The following AMPH variants were observed in gnomAD, a reference collection of about 807,000 sequenced individuals.
AMPH encodes the protein amphiphysin (Stiff-Mann syndrome with breast cancer 128kD autoantigen).
In AMPH, 49 loss-of-function variants were observed where a neutral mutation model predicts 99.1. The observed-to-expected ratio is 0.49, with a 90% confidence interval of 0.39 to 0.63. The LOEUF (loss-of-function observed/expected upper bound fraction) is 0.63, where lower values mean the gene tolerates loss of function less well. Among genes scored for constraint, AMPH ranks in the 20% least tolerant of loss-of-function variants. The probability of loss-of-function intolerance (pLI) is 0.00; values close to 1 mark genes in which losing one functional copy is unlikely to be tolerated. For missense variants in AMPH, 759 were observed against 863.4 expected (o/e 0.88, Z 1.52); for synonymous variants, 314 against 317.3 (o/e 0.99, Z 0.11).
At chr7:38,572,828 A>C (rs1223840094) in intron 1 of AMPH, among the ~76,000 whole-genome samples, 3 of 152,132 alleles carry the variant, frequency 2.0e-5, no homozygotes, top group Non-Finnish European at 4.4e-5. Context: ...GGATAGGAAC[A>C]GCCTGCAGTG....
At chr7:38,604,344 G>A (rs1014493799) in intron 1 of AMPH, among the ~76,000 whole-genome samples, 5 of 152,204 alleles carry the variant, frequency 3.3e-5, no homozygotes, top group African/African-American at 1.2e-4. Context: ...AAGAGCAAAG[G>A]ACAAGGTGAT....
intron 17 of AMPH, among the ~76,000 whole-genome samples, chr7:38,411,635 T>C (rs71548611): frequency 0.031 from 4,755 of 152,216 alleles, 102 homozygotes; most frequent in South Asian, 0.094. Flanking sequence ...CTGCCACCTG[T>C]AGGGGAAGAG....
At chr7:38,560,933 A>G (rs1428249527) in intron 1 of AMPH, among the ~76,000 whole-genome samples, 2 of 152,210 alleles carry the variant, frequency 1.3e-5, no homozygotes, top group Non-Finnish European at 2.9e-5. Flanking sequence ...ATGATATGTT[A>G]TATTTATTAC....
At chr7:38,459,485 G>A (rs150525637) in intron 11 of AMPH, among the ~76,000 whole-genome samples, 92 of 152,198 alleles carry the variant, frequency 6.0e-4, no homozygotes, top group South Asian at 1.5e-3. Flanking sequence ...CATGACATTG[G>A]TATAAAAATA....
At chr7:38,476,547 C>T (rs1788091495) in intron 6 of AMPH, among the ~76,000 whole-genome samples, 1 of 152,172 alleles carries the variant, frequency 6.6e-6, no homozygotes, top group East Asian at 1.9e-4. Context: ...GTCCCATCTG[C>T]ATCTGCATTT....
At chr7:38,458,857 G>T (rs1285125767) in intron 11 of AMPH, among the ~76,000 whole-genome samples, 1 of 152,144 alleles carries the variant, frequency 6.6e-6, no homozygotes, top group African/African-American at 2.4e-5. Flanking sequence ...AGCACTGGAA[G>T]TCCTAGCCAG....
In AMPH at chr7:38,561,106, A is replaced by G. The variant is rs561608564; in HGVS notation, c.70-26095T>C. Reference sequence around the variant, plus strand: ...GTCAGTATTTGCAGGCCAGTAACCAAGACCCACAGCAGGCATGTGGTTAAA... The same window carrying G: ...GTCAGTATTTGCAGGCCAGTAACCAGGACCCACAGCAGGCATGTGGTTAAA... On this transcript the variant is annotated intron_variant, in intron 1 of 20. Coordinates refer to ENST00000356264, the MANE Select transcript of AMPH (RefSeq NM_001635.4). Among the ~76,000 whole-genome samples the G allele has an allele frequency of 2.0e-4, 31 of 152,310 alleles. No individual in the cohort carries two copies. The South Asian group carries it at 6.2e-3, about 31-fold the overall frequency.
At position 38,422,608 on chromosome 7, in the gene AMPH, A is replaced by G. The variant is rs1303087802; in HGVS notation, c.1216-131T>C. 8.0e-6 allele frequency: 5 copies of G among 621,724 alleles called. No homozygotes were observed. The African/African-American group carries it at 1.0e-4, about 13-fold the overall frequency. The allele number at this position is 621,724 out of a possible 1,614,324, so 38.5% of individuals were successfully genotyped here. A position where few individuals can be genotyped will look rare whatever the true frequency, so the allele number is the denominator to read the frequency against. ...TATCTATCTATCTATCTATCCATCTATCTATCGACACTCTATCTATCTAAT... is the reference window on the plus strand; with the variant it reads ...TATCTATCTATCTATCTATCCATCTGTCTATCGACACTCTATCTATCTAAT... On this transcript the variant is annotated intron_variant, in intron 15 of 20. Coordinates refer to ENST00000356264, the MANE Select transcript of AMPH (RefSeq NM_001635.4).
chr7:38,624,201 A>C (rs1225899162), intron 1 of AMPH, among the ~76,000 whole-genome samples: 1 of 152,142 alleles, frequency 6.6e-6, no homozygotes, highest in Non-Finnish European at 1.5e-5. Context: ...TACAATTCGC[A>C]AGATATTTGG....
At chr7:38,455,506 A>T (rs1361186595) in intron 11 of AMPH, among the ~76,000 whole-genome samples, 1 of 152,210 alleles carries the variant, frequency 6.6e-6, no homozygotes, top group East Asian at 1.9e-4. Flanking sequence ...GAACACTGGG[A>T]TTCAACAGAG....
In AMPH at chr7:38,398,707, C is replaced by CA. The variant is rs1456129128; in HGVS notation, c.1399-4494dup. On this transcript the variant is annotated intron_variant, in intron 17 of 20. Transcript: ENST00000356264. The stretch of plus-strand genomic sequence containing the variant: ...AAAAGAATATTACTGGATTATAATG[C>CA]AAAAAAAGGATAAATGCTTAAGGAG... Among the ~76,000 whole-genome samples, 10 of 151,742 alleles carry CA rather than the reference C, an allele frequency of 6.6e-5. No homozygotes were observed. In the East Asian group the frequency reaches 1.5e-3, roughly 23 times the overall value.
At chr7:38,606,531 C>T (rs1042277988) in intron 1 of AMPH, among the ~76,000 whole-genome samples, 15 of 148,348 alleles carry the variant, frequency 1.0e-4, no homozygotes, top group Non-Finnish European at 1.8e-4. Flanking sequence ...TTTCTACATT[C>T]ATCCATACTG....
intron 17 of AMPH, among the ~76,000 whole-genome samples, chr7:38,397,729 T>C (rs1047755483): frequency 6.6e-6 from 1 of 152,094 alleles, no homozygotes; most frequent in African/African-American, 2.4e-5. Context: ...ACCTGCAGAA[T>C]GGGAGAAAAT....
chr7:38,431,775 A>G (rs1340776826), intron 13 of AMPH, among the ~76,000 whole-genome samples: 1 of 152,084 alleles, frequency 6.6e-6, no homozygotes, highest in Non-Finnish European at 1.5e-5. Flanking sequence ...CCCAAGCTTC[A>G]TTGAATACAA....
chr7:38,525,494 G>A (rs986085564), intron 2 of AMPH, among the ~76,000 whole-genome samples: 2 of 148,396 alleles, frequency 1.3e-5, no homozygotes, highest in African/African-American at 5.1e-5. Context: ...AGTTTTATGC[G>A]ATTTTACCAC....
chr7:38,569,833 G>A (rs1228662867), intron 1 of AMPH, among the ~76,000 whole-genome samples: 3 of 152,088 alleles, frequency 2.0e-5, no homozygotes, highest in African/African-American at 7.2e-5. Flanking sequence ...GAGATATTAT[G>A]TATATGTTCT....
chr7:38,386,902 G>GT (rs1464771135), intron 20 of AMPH, among the ~76,000 whole-genome samples: 1 of 152,192 alleles, frequency 6.6e-6, no homozygotes, highest in Non-Finnish European at 1.5e-5. Context: ...CACTCAGTGT[G>GT]ATGTGGGGCA....
chr7:38,610,035 G>A (rs913039990), intron 1 of AMPH, among the ~76,000 whole-genome samples: 3 of 151,092 alleles, frequency 2.0e-5, no homozygotes, highest in African/African-American at 4.9e-5. Context: ...TCGGGAGTTC[G>A]AGACCAGCCT....
At chr7:38,589,663 A>C (rs530354258) in intron 1 of AMPH, among the ~76,000 whole-genome samples, 14 of 152,234 alleles carry the variant, frequency 9.2e-5, no homozygotes, top group Non-Finnish European at 2.1e-4. Flanking sequence ...TTAAAATTAT[A>C]TCTCTAAGAA....
Sources: allele counts gnomAD v4.1 joint callset (sites outside exome capture counted in the v4.1 genomes callset), GRCh38; gene constraint gnomAD v4.1.1; transcripts MANE v1.5; gene names NCBI Gene and HGNC (gene_info 2026-07-23, HGNC 2026-07-21).